Variants in DGKD observed in about 807,000 individuals in gnomAD.
The protein encoded by DGKD is diacylglycerol kinase delta, also known as DAG kinase delta.
Under a neutral mutation model 154.4 loss-of-function variants are expected in DGKD, and 68 were observed. The observed-to-expected ratio is 0.44, with a 90% CI of 0.36 to 0.54. The LOEUF (loss-of-function observed/expected upper bound fraction) is 0.54. Among genes scored for constraint, DGKD ranks in the 20% least tolerant of loss-of-function variants. The pLI is 0.00. For missense variants in DGKD, 1,343 were observed against 1,593.6 expected (o/e 0.84, Z 2.68); for synonymous variants, 693 against 638.0 (o/e 1.09, Z -1.30).
At chr2:233,465,086 A>G (rs3768803) in intron 27 of DGKD, among the ~76,000 whole-genome samples, 16 of 152,308 alleles carry the variant, frequency 1.1e-4, no homozygotes, top group Middle Eastern at 3.4e-3. Flanking sequence ...GACGCATGCA[A>G]TCCTTTCATG....
At chr2:233,432,122 T>C (rs1338796974) in intron 3 of DGKD, among the ~76,000 whole-genome samples, 1 of 143,886 alleles carries the variant, frequency 6.9e-6, no homozygotes, top group Non-Finnish European at 1.5e-5. Context: ...CCAGGCGTGG[T>C]GGCTCATGCC....
intron 29 of DGKD, among the ~76,000 whole-genome samples, 166 bp downstream of exon 29, chr2:233,468,719 G>A (rs2063908759): frequency 6.6e-6 from 1 of 152,308 alleles, no homozygotes; most frequent in East Asian, 1.9e-4. Context: ...AGGCAGTGAT[G>A]GCTCCACCCA....
rs757119378 is a variant in DGKD at position 233,451,035 on chromosome 2, A to C, written c.2152A>C (p.Lys718Gln). 7.4e-6 allele frequency: 12 copies of C among 1,611,006 alleles called. No individual in the cohort carries two copies. In the South Asian group the frequency reaches 1.3e-4, roughly 18 times the overall value. Residue 718 changes from lysine (K) to glutamine (Q), a missense_variant, in exon 17 of 30, where the codon AAG becomes CAG. This residue lies in a region of DGKD where 409 missense variants were observed against 446.0 expected (regional missense o/e 0.92). Coordinates refer to ENST00000264057, the MANE Select transcript of DGKD (RefSeq NM_152879.3). ...SRDGLPALNT[K>Q]ILYPNVRAGM... ...GGACGGCCTGCCTGCGCTCAACACC[A>C]AGATCCTGTACCCAAGTGAGTGGCG...
Position 233,458,239 on chromosome 2 carries a change from C to T in DGKD, c.2581-45C>T, listed in dbSNP as rs1235434494. The T allele has an allele frequency of 1.4e-5, 19 of 1,369,356 alleles. No homozygotes were observed. In the Middle Eastern group the frequency reaches 5.4e-4, roughly 39 times the overall value. 84.8% of individuals were successfully genotyped at this position (1,369,356 alleles called of 1,614,324 possible). A position where few individuals can be genotyped will look rare whatever the true frequency, so the allele number is the denominator to read the frequency against. On this transcript the variant is annotated intron_variant, in intron 21 of 29. Transcript: ENST00000264057. This position sits in a 1 kb window ranked among gnomAD's most constrained non-coding sequence, Gnocchi z 6.6. Reference sequence around the variant, plus strand: ...AGTGAGGGTAGGGGCGGCCTGTGCTCGGGGATGTGTGGAGTGGTGGTCAGC... The same window carrying T: ...AGTGAGGGTAGGGGCGGCCTGTGCTTGGGGATGTGTGGAGTGGTGGTCAGC...
intron 1 of DGKD, among the ~76,000 whole-genome samples, chr2:233,362,388 C>T (rs532281731): frequency 4.6e-5 from 7 of 152,300 alleles, no homozygotes; most frequent in South Asian, 4.1e-4. Context: ...CAGTGACTCA[C>T]GACTGTAATC....
intron 3 of DGKD, among the ~76,000 whole-genome samples, chr2:233,423,297 G>A (rs2062180771): frequency 6.6e-6 from 1 of 152,148 alleles, no homozygotes; most frequent in Admixed American, 6.5e-5. Context: ...TGGGTCATAT[G>A]CTAGTCACAT....
In DGKD at chr2:233,457,536, A is replaced by T; in HGVS notation, c.2580+208A>T. ...AGCAGTTGTGTCAGTGAAGGTGGTC[A>T]GTGAGGGTCTGTGGTCAGCAGATGT... On this transcript the variant is annotated intron_variant, in intron 21 of 29. Transcript: ENST00000264057. This position sits in a 1 kb window ranked among gnomAD's most constrained non-coding sequence, Gnocchi z 5.5. 1.5e-6 allele frequency: 1 copy of T among 667,888 alleles called. No homozygotes were observed. The highest frequency in any genetic ancestry group is 2.8e-6 in the Non-Finnish European group (1 of 362,136). The allele number at this position is 667,888 out of a possible 1,614,324, so 41.4% of individuals were successfully genotyped here. A position where few individuals can be genotyped will look rare whatever the true frequency, so the allele number is the denominator to read the frequency against.
chr2:233,388,632 G>A (rs976435998), intron 2 of DGKD: 4 of 299,954 alleles, frequency 1.3e-5, no homozygotes, highest in African/African-American at 4.3e-5. Context: ...AGAGACAGCC[G>A]CGTTACAGCT....
intron 18 of DGKD, among the ~76,000 whole-genome samples, chr2:233,453,783 T>C (rs1004062539): frequency 1.3e-5 from 2 of 152,116 alleles, no homozygotes; most frequent in African/African-American, 4.8e-5. Flanking sequence ...TCCCAGCAGC[T>C]GGGGGAGCTG....
intron 1 of DGKD, among the ~76,000 whole-genome samples, chr2:233,379,576 G>A (rs961364114): frequency 3.3e-5 from 5 of 152,130 alleles, no homozygotes; most frequent in African/African-American, 1.2e-4. Flanking sequence ...GGTGGGGTGG[G>A]GCCAGTGGTC....
At chr2:233,413,770 C>T (rs901141937) in intron 3 of DGKD, among the ~76,000 whole-genome samples, 1 of 152,240 alleles carries the variant, frequency 6.6e-6, no homozygotes, top group Non-Finnish European at 1.5e-5. Flanking sequence ...CGTGCCCTCC[C>T]ACGGTGGCTC....
intron 27 of DGKD, among the ~76,000 whole-genome samples, chr2:233,466,579 A>G (rs1293426752): frequency 6.6e-6 from 1 of 152,060 alleles, no homozygotes; most frequent in East Asian, 1.9e-4. Flanking sequence ...GATGGCTGTC[A>G]AGAGCAGAGG....
chr2:233,463,254 G>A (rs537823626), intron 26 of DGKD, among the ~76,000 whole-genome samples: 1 of 151,728 alleles, frequency 6.6e-6, no homozygotes, highest in Non-Finnish European at 1.5e-5. Flanking sequence ...CACTCCGCAC[G>A]CCACTCACCT....
At chr2:233,388,076 A>AC in intron 1 of DGKD, 181 bp from the exon 2 acceptor site, 2 of 1,387,060 alleles carry the variant, frequency 1.4e-6, no homozygotes, top group South Asian at 3.1e-5. Flanking sequence ...GATTGGTGCA[A>AC]CCCCCCATGC....
chr2:233,398,963 A>G (rs1341966984), intron 3 of DGKD, among the ~76,000 whole-genome samples: 5 of 152,182 alleles, frequency 3.3e-5, no homozygotes, highest in African/African-American at 1.2e-4. Flanking sequence ...GTGGAACACT[A>G]CAAGACTGTA....
chr2:233,457,132 C>T lies in DGKD; in HGVS notation c.2473-89C>T. On this transcript the variant is annotated intron_variant, in intron 20 of 29. Transcript: ENST00000264057. The surrounding 1 kb of genome is among the most constrained non-coding windows in gnomAD (Gnocchi z 5.5). Reference sequence around the variant, plus strand: ...GGATGCCCTGGCCACGGCTGTGCTCCTGAGCCCCTGGCGGTGGGAAGCTGG... The same window carrying T: ...GGATGCCCTGGCCACGGCTGTGCTCTTGAGCCCCTGGCGGTGGGAAGCTGG... 7.6e-7 allele frequency: 1 copy of T among 1,323,860 alleles called. No individual in the cohort carries two copies. The highest frequency in any genetic ancestry group is 2.3e-5 in the East Asian group (1 of 43,224). 82.0% of individuals were successfully genotyped at this position (1,323,860 alleles called of 1,614,324 possible). A position where few individuals can be genotyped will look rare whatever the true frequency, so the allele number is the denominator to read the frequency against.
intron 3 of DGKD, among the ~76,000 whole-genome samples, chr2:233,416,803 G>A (rs2061971083): frequency 6.6e-6 from 1 of 152,164 alleles, no homozygotes; most frequent in Non-Finnish European, 1.5e-5. Context: ...GTAGCTGAAG[G>A]ATGCAGGTAC....
chr2:233,431,707 G>A (rs1163322958), intron 3 of DGKD, among the ~76,000 whole-genome samples: 2 of 152,214 alleles, frequency 1.3e-5, no homozygotes, highest in East Asian at 3.8e-4. Context: ...AACGTACCAA[G>A]AACATATACT....
chr2:233,461,182 C>CGG (rs2063625087), intron 24 of DGKD, among the ~76,000 whole-genome samples: 1 of 152,262 alleles, frequency 6.6e-6, no homozygotes, highest in Non-Finnish European at 1.5e-5. Flanking sequence ...CCCTCCCAGC[C>CGG]GGCAGCTGTG....
Sources: allele counts gnomAD v4.1 joint callset (sites outside exome capture counted in the v4.1 genomes callset), GRCh38; gene constraint gnomAD v4.1.1; regional missense constraint gnomAD v4.1.1; non-coding constraint Gnocchi (gnomAD v3.1); transcripts MANE v1.5; gene names NCBI Gene and HGNC (gene_info 2026-07-23, HGNC 2026-07-21).